Variants in HERC2 observed in about 807,000 individuals in gnomAD.
HERC2 encodes the protein HECT and RLD domain containing E3 ubiquitin protein ligase 2.
In HERC2, 102 loss-of-function variants were observed where a neutral mutation model predicts 537.7. The ratio of observed to expected loss-of-function variants is 0.19; its 90% CI spans 0.16 to 0.22. HERC2 has a LOEUF of 0.22. Ranked by LOEUF, HERC2 falls within the 10% of genes least tolerant of loss-of-function variation. The probability of loss-of-function intolerance (pLI) is 1.00; values close to 1 mark genes in which losing one functional copy is unlikely to be tolerated. For missense variants in HERC2, 4,236 were observed against 6,198.2 expected (o/e 0.68, Z 10.63); for synonymous variants, 2,224 against 2,466.2 (o/e 0.90, Z 2.91).
At chr15:28,256,647 G>A (rs914040840) in intron 17 of HERC2, among the ~76,000 whole-genome samples, 3 of 152,114 alleles carry the variant, frequency 2.0e-5, no homozygotes, top group Admixed American at 6.6e-5. Flanking sequence ...CAAAAAAGCT[G>A]CCACAGGTGC....
At chr15:28,252,953 A>G (rs529059600) in intron 20 of HERC2, among the ~76,000 whole-genome samples, 1 of 152,352 alleles carries the variant, frequency 6.6e-6, no homozygotes, top group South Asian at 2.1e-4. Flanking sequence ...TGAATAGGCC[A>G]GCTGAGAGCT....
At chr15:28,174,705 C>T (rs556229691) in intron 64 of HERC2, 85 bp from the exon 65 acceptor site, 42 of 1,140,398 alleles carry the variant, frequency 3.7e-5, no homozygotes, top group East Asian at 7.3e-5. Flanking sequence ...AAATGCTTAA[C>T]GCGTATGCCA....
intron 20 of HERC2, 59 bp downstream of exon 20, chr15:28,254,279 TCA>T: frequency 4.0e-6 from 5 of 1,246,722 alleles, no homozygotes; most frequent in Non-Finnish European, 5.6e-6. Flanking sequence ...GCGAACTCTG[TCA>T]CACACACAAA....
At chr15:28,287,926 G>C (rs1288811093) in intron 4 of HERC2, among the ~76,000 whole-genome samples, 1 of 151,822 alleles carries the variant, frequency 6.6e-6, no homozygotes, top group East Asian at 1.9e-4. Context: ...CTGTTTCACC[G>C]TGTTAGCCAG....
At chr15:28,244,904 C>T (rs1190260779) in intron 23 of HERC2, among the ~76,000 whole-genome samples, 1 of 152,108 alleles carries the variant, frequency 6.6e-6, no homozygotes, top group Non-Finnish European at 1.5e-5. Context: ...CAAAGTTTAA[C>T]CCTGATTTTG....
chr15:28,251,899 TA>T (rs2075095723), intron 20 of HERC2, among the ~76,000 whole-genome samples: 1 of 152,244 alleles, frequency 6.6e-6, no homozygotes, highest in Non-Finnish European at 1.5e-5. Context: ...ATTATTGAGA[TA>T]TTTTACATAG....
intron 70 of HERC2, among the ~76,000 whole-genome samples, chr15:28,149,079 C>T (rs1237368710): frequency 5.3e-5 from 8 of 151,104 alleles, no homozygotes; most frequent in East Asian, 3.9e-4. Flanking sequence ...GACTCCTAAC[C>T]GAGAACATCA....
chr15:28,225,411 A>G (rs896894472), intron 35 of HERC2, among the ~76,000 whole-genome samples: 1 of 152,042 alleles, frequency 6.6e-6, no homozygotes, highest in Non-Finnish European at 1.5e-5. Context: ...ATTAAGAAAA[A>G]AAGAGGCCAG....
Position 28,230,419 on chromosome 15 carries a change from G to A in HERC2, c.4757C>T (p.Pro1586Leu), listed in dbSNP as rs1270493504. Residue 1586 changes from proline to leucine, a missense_variant, in exon 31 of 93, where the codon CCT becomes CTT. Physicochemically the swap from Pro to Leu is moderately conservative, Grantham distance 98 (BLOSUM62 -3). This residue lies in a region of HERC2 where 343 missense variants were observed against 417.2 expected (regional missense o/e 0.82). Coordinates refer to ENST00000261609, the MANE Select transcript of HERC2 (RefSeq NM_004667.6). ...ESDLEEACIL[P>L]HSPINVDKRP... ...CTTGTCCACATTTATTGGACTATGAGGCAAAATGCAAGCTTCTTCTAAATC... is the reference window on the plus strand; with the variant it reads ...CTTGTCCACATTTATTGGACTATGAAGCAAAATGCAAGCTTCTTCTAAATC... 1 of 1,490,804 alleles carries A rather than the reference G, an allele frequency of 6.7e-7. No individual in the cohort carries two copies. Among genetic ancestry groups the A allele is most frequent in the South Asian group, 1.1e-5 (1 of 88,590 alleles). 92.3% of individuals were successfully genotyped at this position (1,490,804 alleles called of 1,614,324 possible).
chr15:28,271,570 G>C (rs1397281468), intron 9 of HERC2, among the ~76,000 whole-genome samples: 1 of 152,108 alleles, frequency 6.6e-6, no homozygotes, highest in Non-Finnish European at 1.5e-5. Flanking sequence ...TCGGGAGGCT[G>C]AGGCAGGACA....
chr15:28,267,242 A>G (rs2075594057), intron 12 of HERC2, among the ~76,000 whole-genome samples: 1 of 152,122 alleles, frequency 6.6e-6, no homozygotes, highest in Admixed American at 6.5e-5. Context: ...CTCCAGTACA[A>G]ACTATCCCTT....
In HERC2 at chr15:28,214,030, A is replaced by G. The variant is rs960994663; in HGVS notation, c.6555+46T>C. ...ACACTCACGGAGCTGCCCAATCCCT[A>G]CAGGTTCACCGTTGAACTAAATTAA... On this transcript the variant is annotated intron_variant, in intron 41 of 92. Coordinates refer to ENST00000261609, the MANE Select transcript of HERC2 (RefSeq NM_004667.6). The G allele has an allele frequency of 3.1e-6, 5 of 1,610,036 alleles. No individual in the cohort carries two copies. The African/African-American group carries it at 6.7e-5, about 22-fold the overall frequency.
Position 28,202,199 on chromosome 15 carries a change from T to C in HERC2, c.7531A>G (p.Thr2511Ala), listed in dbSNP as rs773495920. ...ACCGTGTCTGCATCTGAGAGCTCCG[T>C]GACCTGTATGTCGGAGTGGTCCAGC... The part of the protein sequence containing the change: ...WLLDHSDIQV[T>A]ELSDADTVSD... The change falls in exon 47 of 93, where the codon ACG becomes GCG. Residue 2511 changes from threonine to alanine, a missense_variant. Transcript: ENST00000261609. 26 of 1,599,852 alleles carry C rather than the reference T, an allele frequency of 1.6e-5. No individual in the cohort carries two copies. The highest frequency in any genetic ancestry group is 2.1e-5 in the Non-Finnish European group (25 of 1,168,240).
rs1379607760 is a variant in HERC2, at chr15:28,186,568, GGTTCT to G, written c.8825+4_8825+8del. On this transcript the variant is annotated splice_donor_5th_base_variant and intron_variant, in intron 56 of 92. Coordinates refer to ENST00000261609, the MANE Select transcript of HERC2 (RefSeq NM_004667.6). ...AGGTAAGTGAGCACCTGTAACAAAT[GGTTCT>G]CACCTTCCGCTGTTGCCTTTCTCAT... is the stretch of plus-strand genomic sequence containing the variant. The G allele has an allele frequency of 1.2e-6, 2 of 1,611,124 alleles. No individual in the cohort carries two copies. Among genetic ancestry groups the G allele is most frequent in the African/African-American group, 1.3e-5 (1 of 74,888 alleles).
chr15:28,117,433 G>A (rs952478724), intron 86 of HERC2: 4 of 680,672 alleles, frequency 5.9e-6, no homozygotes, highest in African/African-American at 3.5e-5. Context: ...CTTCCAACAC[G>A]ACACACACCA....
chr15:28,142,448 C>A, intron 75 of HERC2, 55 bp from the exon 76 acceptor site: 2 of 1,561,076 alleles, frequency 1.3e-6, no homozygotes, highest in Non-Finnish European at 1.7e-6. Flanking sequence ...AGTGAACAGG[C>A]CAAGGTTTCT....
intron 86 of HERC2, chr15:28,117,659 G>A (rs1888426285): frequency 2.4e-6 from 1 of 411,394 alleles, no homozygotes; most frequent in South Asian, 1.8e-5. Flanking sequence ...GTGAGTGAGT[G>A]CCTCAGCCAG....
intron 4 of HERC2, among the ~76,000 whole-genome samples, chr15:28,291,471 G>A (rs867476523): frequency 6.6e-6 from 1 of 152,116 alleles, no homozygotes; most frequent in African/African-American, 2.4e-5. Context: ...ACACCGAAGG[G>A]ATAATAGTGG....
At position 28,191,208 on chromosome 15, in the gene HERC2, C is replaced by T. The variant is rs780234810; in HGVS notation, c.8488G>A (p.Val2830Ile). ...IRLEIFPDVL[V>I]HRLKMIVDPA... ...TCTACGATCATTTTTAATCTATGAA[C>T]AAGAACATCTGGGAAAATCTCCAAA... Residue 2830 changes from valine (V) to isoleucine (I), a missense_variant, in exon 54 of 93, where the codon GTT (valine) becomes ATT (isoleucine). Physicochemically the swap from Val to Ile is conservative, Grantham distance 29. This residue lies in a region of HERC2 where 606 missense variants were observed against 884.5 expected (regional missense o/e 0.69). Coordinates refer to ENST00000261609, the MANE Select transcript of HERC2 (RefSeq NM_004667.6). 3.1e-6 allele frequency: 5 copies of T among 1,613,796 alleles called. No homozygotes were observed. The highest frequency in any genetic ancestry group is 2.2e-5 in the South Asian group (2 of 90,984).
Sources: gnomAD v4.1 joint callset for allele counts (sites outside exome capture counted in the v4.1 genomes callset) on GRCh38, gnomAD v4.1.1 for gene constraint, gnomAD v4.1.1 regional missense constraint, MANE v1.5 for transcripts, NCBI Gene and HGNC (gene_info 2026-07-23, HGNC 2026-07-21) for gene names.